Variants in PCSK6 observed in about 807,000 individuals in gnomAD.
PCSK6 encodes paired basic amino acid cleaving enzyme 4.
Under a neutral mutation model 123.3 loss-of-function variants are expected in PCSK6, and 85 were observed. The ratio of observed to expected loss-of-function variants is 0.69; its 90% confidence interval spans 0.58 to 0.83. The LOEUF (loss-of-function observed/expected upper bound fraction) is 0.83. PCSK6 is among the 40% of genes least tolerant of loss of function. The pLI, the probability that PCSK6 is intolerant of heterozygous loss-of-function variation, is 0.00. For synonymous variants in PCSK6, 508 were observed against 516.0 expected (o/e 0.98, Z 0.21); for missense variants, 1,191 against 1,282.3 (o/e 0.93, Z 1.09).
intron 11 of PCSK6, among the ~76,000 whole-genome samples, chr15:101,371,703 T>C (rs1871979): frequency 0.47 from 71,713 of 151,706 alleles, 18,288 homozygotes; most frequent in East Asian, 0.67. Context: ...CCCACGCCTC[T>C]GCCTCCAGGC....
intron 1 of PCSK6, among the ~76,000 whole-genome samples, chr15:101,458,316 G>C (rs188380690): frequency 1.3e-5 from 2 of 152,180 alleles, no homozygotes; most frequent in Non-Finnish European, 2.9e-5. Context: ...TTGAGTCTCT[G>C]CAGCAGACAG....
chr15:101,394,409 A>C (rs1165542472), intron 7 of PCSK6, among the ~76,000 whole-genome samples: 1 of 152,146 alleles, frequency 6.6e-6, no homozygotes, highest in Non-Finnish European at 1.5e-5. Context: ...CACACTGAGA[A>C]TCATTCCAGC....
Position 101,347,003 on chromosome 15 carries a change from T to C in PCSK6, c.1859-14972A>G, listed in dbSNP as rs1596210026. Reference sequence around the variant, plus strand: ...AAGGAGGTAAAGAGATTGACTGCAATATTAATGCAAATGGGGTTAAAAATG... The same window carrying C: ...AAGGAGGTAAAGAGATTGACTGCAACATTAATGCAAATGGGGTTAAAAATG... On this transcript the variant is annotated intron_variant, in intron 13 of 21. Transcript: ENST00000611716. 4 of 1,231,730 alleles carry C rather than the reference T, an allele frequency of 3.2e-6. No homozygotes were observed. In the South Asian group the frequency reaches 1.2e-4, roughly 38 times the overall value. The allele number at this position is 1,231,730 out of a possible 1,614,324, so 76.3% of individuals were successfully genotyped here.
chr15:101,444,419 T>C (rs1483724042), intron 1 of PCSK6, among the ~76,000 whole-genome samples: 1 of 152,164 alleles, frequency 6.6e-6, no homozygotes, highest in Non-Finnish European at 1.5e-5. Flanking sequence ...GGCTAGTTGA[T>C]CACCATCCTC....
chr15:101,312,743 A>G (rs1339226011), intron 20 of PCSK6, among the ~76,000 whole-genome samples: 1 of 152,066 alleles, frequency 6.6e-6, no homozygotes, highest in African/African-American at 2.4e-5. Flanking sequence ...GAGGCAGGAG[A>G]ATGGTGTGAA....
At chr15:101,402,606 C>A (rs1208621246) in intron 6 of PCSK6, among the ~76,000 whole-genome samples, 1 of 152,142 alleles carries the variant, frequency 6.6e-6, no homozygotes. Context: ...AAAAAGTGGG[C>A]AAAGGATATG....
intron 1 of PCSK6, among the ~76,000 whole-genome samples, chr15:101,459,126 G>A (rs1421470235): frequency 6.6e-6 from 1 of 152,094 alleles, no homozygotes; most frequent in Non-Finnish European, 1.5e-5. Flanking sequence ...CGCCCACTGA[G>A]CCCTTGGGAA....
Position 101,398,307 on chromosome 15 carries a change from GTT to G in PCSK6, c.996+95_996+96del. On this transcript the variant is annotated intron_variant, in intron 7 of 21. Coordinates refer to ENST00000611716, the MANE Select transcript of PCSK6 (RefSeq NM_002570.5). This position sits in a 1 kb window ranked among gnomAD's most constrained non-coding sequence, Gnocchi z 4.6. ...GTCACAGCAGAGTCTTCCCTGTCTT[GTT>G]TCAGGGCTGTGGCCAGTGTCACTCT... 2 of 1,403,996 alleles carry G rather than the reference GTT, an allele frequency of 1.4e-6. No individual in the cohort carries two copies. The highest frequency in any genetic ancestry group is 1.9e-6 in the Non-Finnish European group (2 of 1,032,222). 87.0% of individuals were successfully genotyped at this position (1,403,996 alleles called of 1,614,324 possible).
chr15:101,362,018 G>A (rs910915894), intron 13 of PCSK6, among the ~76,000 whole-genome samples: 36 of 148,892 alleles, frequency 2.4e-4, no homozygotes, highest in Non-Finnish European at 4.1e-4. Flanking sequence ...GTGCAGTGGC[G>A]CAATCTCAGC....
chr15:101,334,633 T>C lies in PCSK6; in HGVS notation c.1859-2602A>G, dbSNP rs994913158. 3.3e-5 allele frequency: 5 copies of C among 152,408 alleles called. No homozygotes were observed. The East Asian group carries it at 5.8e-4, about 18-fold the overall frequency. 9.4% of individuals were successfully genotyped at this position (152,408 alleles called of 1,614,324 possible). The stretch of plus-strand genomic sequence containing the variant: ...GCACTGAGATTGGCTGGGGTTGTGA[T>C]GATGGTAGGACAGGGACCAAGGGCT... On this transcript the variant is annotated intron_variant, in intron 13 of 21. Coordinates refer to ENST00000611716, the MANE Select transcript of PCSK6 (RefSeq NM_002570.5).
At chr15:101,394,842 C>T (rs2042355860) in intron 7 of PCSK6, among the ~76,000 whole-genome samples, 1 of 152,212 alleles carries the variant, frequency 6.6e-6, no homozygotes, top group Non-Finnish European at 1.5e-5. Context: ...GTTCTTGGAG[C>T]TCACGCAGCC....
intron 9 of PCSK6, among the ~76,000 whole-genome samples, chr15:101,387,278 C>A (rs1367973123): frequency 6.6e-6 from 1 of 152,172 alleles, no homozygotes; most frequent in Non-Finnish European, 1.5e-5. Context: ...GTAGAGAGGT[C>A]ACAGGTGCAG....
rs553850473 is a variant in PCSK6, at chr15:101,335,005, G to A, written c.1859-2974C>T. Among the ~76,000 whole-genome samples, 6 of 152,270 alleles carry A rather than the reference G, an allele frequency of 3.9e-5. No homozygotes were observed. The South Asian group carries it at 8.3e-4, about 21-fold the overall frequency. On this transcript the variant is annotated intron_variant, in intron 13 of 21. Coordinates refer to ENST00000611716, the MANE Select transcript of PCSK6 (RefSeq NM_002570.5). Reference sequence around the variant, plus strand: ...GACAGGGTCTCACTCTGTTGCCTAGGCTGGAGTACAGTGGTACGATCATGG... The same window carrying A: ...GACAGGGTCTCACTCTGTTGCCTAGACTGGAGTACAGTGGTACGATCATGG...
intron 13 of PCSK6, among the ~76,000 whole-genome samples, chr15:101,355,822 C>G (rs2041021417): frequency 6.6e-6 from 1 of 152,198 alleles, no homozygotes; most frequent in South Asian, 2.1e-4. Flanking sequence ...CTGGCCTGAC[C>G]TTGGCAGGTG....
chr15:101,472,115 G>A (rs1157598433), intron 1 of PCSK6, among the ~76,000 whole-genome samples: 1 of 152,232 alleles, frequency 6.6e-6, no homozygotes, highest in African/African-American at 2.4e-5. Flanking sequence ...CCAGATTGCT[G>A]AGAACCCAGC....
chr15:101,473,501 T>C (rs967868651), intron 1 of PCSK6, among the ~76,000 whole-genome samples: 2 of 152,350 alleles, frequency 1.3e-5, no homozygotes, highest in East Asian at 3.9e-4. Flanking sequence ...CAAGGTAGAA[T>C]AGCAAATTCC....
At chr15:101,362,643 G>A (rs543276682) in intron 13 of PCSK6, among the ~76,000 whole-genome samples, 8 of 152,286 alleles carry the variant, frequency 5.3e-5, no homozygotes, top group African/African-American at 1.2e-4. Context: ...GCTGTGTGCC[G>A]GGCCCTGCTC....
intron 1 of PCSK6, among the ~76,000 whole-genome samples, chr15:101,446,402 T>C (rs2056890879): frequency 6.6e-6 from 1 of 152,282 alleles, no homozygotes; most frequent in Non-Finnish European, 1.5e-5. Context: ...CATCTATTTA[T>C]GGACACGTGG....
chr15:101,305,210 C>CGGAT lies in PCSK6; in HGVS notation c.*44_*47dup. 1.4e-6 allele frequency: 2 copies of CGGAT among 1,461,872 alleles called. No individual in the cohort carries two copies. Among genetic ancestry groups the CGGAT allele is most frequent in the South Asian group, 1.2e-5 (1 of 85,446 alleles). 90.6% of individuals were successfully genotyped at this position (1,461,872 alleles called of 1,614,324 possible). A position where few individuals can be genotyped will look rare whatever the true frequency, so the allele number is the denominator to read the frequency against. ...GGCCGACAGTCTGGAGGAAGGTGGA[C>CGGAT]GGATGGATGGATGGGAGTGCCTGCC... On this transcript the variant is annotated 3_prime_UTR_variant, in exon 22 of 22. Transcript: ENST00000611716. This position sits in a 1 kb window ranked among gnomAD's most constrained non-coding sequence, Gnocchi z 4.8.
Sources: allele counts gnomAD v4.1 joint callset (sites outside exome capture counted in the v4.1 genomes callset), GRCh38; gene constraint gnomAD v4.1.1; non-coding constraint Gnocchi (gnomAD v3.1); transcripts MANE v1.5; gene names NCBI Gene and HGNC (gene_info 2026-07-23, HGNC 2026-07-21).